The following NHS variants were observed in gnomAD, a reference collection of about 807,000 sequenced individuals.
The protein encoded by NHS is NHS actin remodeling regulator, also known as actin remodeling regulator NHS.
NHS carries 5 observed loss-of-function variants against 72.5 expected under a neutral mutation model. The observed-to-expected ratio is 0.07, with a 90% CI of 0.04 to 0.14. The LOEUF (loss-of-function observed/expected upper bound fraction) is 0.14, where lower values mean the gene tolerates loss of function less well. Ranked by LOEUF, NHS falls within the 10% of genes least tolerant of loss-of-function variation. The pLI is 1.00. For synonymous variants in NHS, 464 were observed against 547.7 expected, an observed-to-expected ratio of 0.85 and a Z score of 2.13; for missense variants, 1,072 against 1,355.7, an observed-to-expected ratio of 0.79 and a Z score of 3.29.
At chrX:17,611,049 G>A in intron 1 of NHS, among the ~76,000 whole-genome samples, 1 of 112,252 alleles carries the variant, frequency 8.9e-6, no homozygotes, top group Non-Finnish European at 1.9e-5. Context: ...GATGAATCTT[G>A]AAACCCTTTA....
intron 1 of NHS, among the ~76,000 whole-genome samples, chrX:17,652,200 A>T (rs2065933850): frequency 8.9e-6 from 1 of 112,613 alleles, no homozygotes; most frequent in Non-Finnish European, 1.9e-5. Flanking sequence ...TCACTGTCCT[A>T]AAAAAGGACA....
At chrX:17,716,073 A>G in intron 3 of NHS, among the ~76,000 whole-genome samples, 1 of 111,052 alleles carries the variant, frequency 9.0e-6, no homozygotes, top group African/African-American at 3.3e-5. Context: ...CTGAGGAGGA[A>G]TCTGCTATGG....
At chrX:17,621,155 C>T (rs947344036) in intron 1 of NHS, among the ~76,000 whole-genome samples, 1 of 112,481 alleles carries the variant, frequency 8.9e-6, no homozygotes, top group Non-Finnish European at 1.9e-5. Flanking sequence ...GGTCTGGAAC[C>T]GCTTGGGAGG....
At chrX:17,466,757 G>A (rs2064872381) in intron 1 of NHS, among the ~76,000 whole-genome samples, 1 of 111,539 alleles carries the variant, frequency 9.0e-6, no homozygotes, top group Non-Finnish European at 1.9e-5. Flanking sequence ...CCTGTCCTGG[G>A]CAATGCACAT....
chrX:17,515,306 A>G (rs765459497), intron 1 of NHS, among the ~76,000 whole-genome samples: 1 of 112,054 alleles, frequency 8.9e-6, no homozygotes, highest in Non-Finnish European at 1.9e-5. Context: ...TGTGTTTAAT[A>G]CCATTTCAAC....
Position 17,603,928 on chromosome X carries a change from A to G in NHS, c.566-83814A>G, listed in dbSNP as rs763820979. 8.1e-5 allele frequency among the ~76,000 whole-genome samples: 9 copies of G among 111,575 alleles called. No homozygotes were observed. In the East Asian group the frequency reaches 2.5e-3, roughly 31 times the overall value. ...GAAGACTACAGATTCCTGAAGGGCT[A>G]TGAGTTTGCCTCTTTGATGACCTCT... On this transcript the variant is annotated intron_variant, in intron 1 of 8. Coordinates refer to ENST00000676302, the MANE Select transcript of NHS (RefSeq NM_001291867.2).
intron 1 of NHS, among the ~76,000 whole-genome samples, chrX:17,522,872 G>T (rs1835569207): frequency 8.9e-6 from 1 of 111,775 alleles, no homozygotes; most frequent in Non-Finnish European, 1.9e-5. Flanking sequence ...TTGGGAAACT[G>T]ATGTGGCTCC....
At chrX:17,418,610 C>G (rs957087052) in intron 1 of NHS, among the ~76,000 whole-genome samples, 1 of 111,971 alleles carries the variant, frequency 8.9e-6, no homozygotes, top group East Asian at 2.8e-4. Context: ...AAAGATAAAT[C>G]TCTATTATCT....
At chrX:17,414,446 G>A (rs974031174) in intron 1 of NHS, among the ~76,000 whole-genome samples, 1 of 112,172 alleles carries the variant, frequency 8.9e-6, no homozygotes, top group Non-Finnish European at 1.9e-5. Context: ...ACTTTTATGT[G>A]CAATTTGCTT....
chrX:17,678,048 C>T (rs767150262), intron 1 of NHS, among the ~76,000 whole-genome samples: 4 of 111,518 alleles, frequency 3.6e-5, no homozygotes, highest in Non-Finnish European at 3.8e-5. Context: ...TGGTCTTGAA[C>T]TCCTGGGTTC....
chrX:17,647,368 C>G (rs2065910736), intron 1 of NHS, among the ~76,000 whole-genome samples: 1 of 112,379 alleles, frequency 8.9e-6, no homozygotes, highest in Non-Finnish European at 1.9e-5. Context: ...TTCCAACATA[C>G]AGTCAAGGTT....
chrX:17,560,744 C>G (rs1214528567), intron 1 of NHS, among the ~76,000 whole-genome samples: 1 of 112,581 alleles, frequency 8.9e-6, no homozygotes, highest in Non-Finnish European at 1.9e-5. Context: ...CCCTTATTTT[C>G]TCTCTGCCTG....
chrX:17,453,689 A>G (rs987265902), intron 1 of NHS, among the ~76,000 whole-genome samples: 7 of 112,472 alleles, frequency 6.2e-5, no homozygotes, highest in Non-Finnish European at 1.3e-4. Context: ...CAAGGGGTCC[A>G]TTGGCTTCAC....
intron 1 of NHS, among the ~76,000 whole-genome samples, chrX:17,417,602 A>C (rs2064602885): frequency 8.9e-6 from 1 of 111,893 alleles, no homozygotes; most frequent in Non-Finnish European, 1.9e-5. Flanking sequence ...TATAAAATCC[A>C]AGTTTTTAGC....
intron 1 of NHS, among the ~76,000 whole-genome samples, chrX:17,614,918 G>A (rs1278960138): frequency 9.3e-6 from 1 of 107,265 alleles, no homozygotes; most frequent in African/African-American, 3.4e-5. Context: ...TTCCTCCTGT[G>A]TTCCCTAATC....
intron 1 of NHS, among the ~76,000 whole-genome samples, chrX:17,536,539 G>A (rs1435561017): frequency 8.9e-6 from 1 of 112,132 alleles, no homozygotes; most frequent in Non-Finnish European, 1.9e-5. Context: ...GTACTGGAAG[G>A]GTTGCTCCTT....
chrX:17,615,163 A>G (rs745402830), intron 1 of NHS, among the ~76,000 whole-genome samples: 21 of 42,392 alleles, frequency 5.0e-4, no homozygotes, highest in South Asian at 3.1e-3. Context: ...TATATATACT[A>G]TATATATACG....
At chrX:17,693,404 C>A (rs748037155) in intron 3 of NHS, among the ~76,000 whole-genome samples, 3 of 112,434 alleles carry the variant, frequency 2.7e-5, no homozygotes, top group Non-Finnish European at 5.6e-5. Flanking sequence ...TGCATTCCTG[C>A]TGTCTTGTCA....
Position 17,726,315 on chromosome X carries a change from G to T in NHS, c.2209G>T (p.Asp737Tyr). ...CCACCATGATGCCTCCTGCCGCCAG[G>T]ATTTTAGTCCTGAGCGTCCCAAGGC... ...HHHHDASCRQ[D>Y]FSPERPKADS... Residue 737 changes from aspartate (D) to tyrosine (Y), a missense_variant, in exon 7 of 9, where the codon GAT becomes TAT. Physicochemically the swap from Asp to Tyr is radical, Grantham distance 160 (BLOSUM62 -3). Transcript: ENST00000676302. 2 of 1,212,077 alleles carry T rather than the reference G, an allele frequency of 1.7e-6. No homozygotes were observed. The highest frequency in any genetic ancestry group is 3.5e-5 in the South Asian group (2 of 57,012).
Sources: gnomAD v4.1 joint callset for allele counts (sites outside exome capture counted in the v4.1 genomes callset) on GRCh38, gnomAD v4.1.1 for gene constraint, MANE v1.5 for transcripts, NCBI Gene and HGNC (gene_info 2026-07-23, HGNC 2026-07-21) for gene names.